PTPN1: variants seen among roughly 807,000 people sequenced by gnomAD.
PTPN1 encodes protein tyrosine phosphatase non-receptor type 1, also known as tyrosine-protein phosphatase non-receptor type 1.
PTPN1 carries 12 observed loss-of-function variants against 59.9 expected under a neutral mutation model. The ratio of observed to expected loss-of-function variants is 0.20; its 90% CI spans 0.13 to 0.32. The LOEUF (loss-of-function observed/expected upper bound fraction) is 0.32. Among genes scored for constraint, PTPN1 ranks in the 10% least tolerant of loss-of-function variants. The probability of loss-of-function intolerance (pLI) is 1.00; values close to 1 mark genes in which losing one functional copy is unlikely to be tolerated. For synonymous variants in PTPN1, 178 were observed against 203.6 expected (o/e 0.87, Z 1.07); for missense variants, 356 against 549.2 (o/e 0.65, Z 3.52).
chr20:50,520,876 A>G (rs1295188580), intron 1 of PTPN1, among the ~76,000 whole-genome samples: 1 of 152,214 alleles, frequency 6.6e-6, no homozygotes, highest in Non-Finnish European at 1.5e-5. Context: ...AAATGTAGTC[A>G]TTAGACTAGA....
At chr20:50,520,341 A>G (rs547910476) in intron 1 of PTPN1, among the ~76,000 whole-genome samples, 1 of 149,626 alleles carries the variant, frequency 6.7e-6, no homozygotes, top group African/African-American at 2.5e-5. Context: ...ATTGCACTAC[A>G]GCCTGGGGGA....
chr20:50,578,267 T>C lies in PTPN1; in HGVS notation c.493-153T>C, dbSNP rs144635885. Among the ~76,000 whole-genome samples, 1,318 of 152,278 alleles carry C rather than the reference T, an allele frequency of 8.7e-3. 15 individuals are homozygous for C. Among genetic ancestry groups the C allele is most frequent in the Non-Finnish European group, 0.013 (914 of 68,022 alleles). On this transcript the variant is annotated intron_variant, in intron 5 of 9. Coordinates refer to ENST00000371621, the MANE Select transcript of PTPN1 (RefSeq NM_002827.4). ...GGGCCTGGCCCCAGGGTGTGGTATTTGTTGACTGGGTGTGTGGACCCTGGG... is the reference window on the plus strand; with the variant it reads ...GGGCCTGGCCCCAGGGTGTGGTATTCGTTGACTGGGTGTGTGGACCCTGGG...
At chr20:50,578,277 G>C in intron 5 of PTPN1, 143 bp from the exon 6 acceptor site, 1 of 771,632 alleles carries the variant, frequency 1.3e-6, no homozygotes, top group Non-Finnish European at 2.2e-6. Context: ...TGTTGACTGG[G>C]TGTGTGGACC....
At chr20:50,513,550 G>A (rs1238429202) in intron 1 of PTPN1, among the ~76,000 whole-genome samples, 1 of 152,142 alleles carries the variant, frequency 6.6e-6, no homozygotes, top group African/African-American at 2.4e-5. Flanking sequence ...TGAATGATTT[G>A]ATTGTTTCAG....
intron 1 of PTPN1, among the ~76,000 whole-genome samples, chr20:50,537,864 G>A (rs2082631001): frequency 6.6e-6 from 1 of 152,316 alleles, no homozygotes; most frequent in Non-Finnish European, 1.5e-5. Context: ...CATCAGCAAT[G>A]TCTGAAAAAG....
intron 1 of PTPN1, among the ~76,000 whole-genome samples, chr20:50,541,598 C>T (rs567974947): frequency 3.3e-5 from 5 of 152,296 alleles, no homozygotes; most frequent in South Asian, 2.1e-4. Flanking sequence ...CGCAGGTCAT[C>T]GTAGTATGGC....
chr20:50,548,064 GTTT>G (rs932608114), intron 1 of PTPN1, among the ~76,000 whole-genome samples: 1 of 151,992 alleles, frequency 6.6e-6, no homozygotes, highest in African/African-American at 2.4e-5. Flanking sequence ...CAGCTTGACC[GTTT>G]GCCTCCGTGT....
At chr20:50,536,134 C>T (rs1410154662) in intron 1 of PTPN1, among the ~76,000 whole-genome samples, 1 of 152,162 alleles carries the variant, frequency 6.6e-6, no homozygotes, top group Admixed American at 6.5e-5. Context: ...CTCCATAAAT[C>T]CTTCAGAAAT....
intron 1 of PTPN1, among the ~76,000 whole-genome samples, chr20:50,546,584 T>TG: frequency 6.6e-6 from 1 of 152,246 alleles, no homozygotes; most frequent in Non-Finnish European, 1.5e-5. Context: ...TCCTTGGTCC[T>TG]GGTAGCAGAA....
intron 1 of PTPN1, among the ~76,000 whole-genome samples, chr20:50,531,541 T>G (rs1405473284): frequency 6.6e-6 from 1 of 152,168 alleles, no homozygotes; most frequent in East Asian, 1.9e-4. Flanking sequence ...CATGCCCAGC[T>G]AATTTTTGTA....
rs1393020598 is a variant in PTPN1 at position 50,568,490 on chromosome 20, C to T, written c.354+12C>T. On this transcript the variant is annotated intron_variant, in intron 4 of 9. Coordinates refer to ENST00000371621, the MANE Select transcript of PTPN1 (RefSeq NM_002827.4). This position sits in a 1 kb window ranked among gnomAD's most constrained non-coding sequence, Gnocchi z 5.6. ...TGGAGAAAGGTTCGGTAAGTCTCGG[C>T]TTCATTTGCTGTGTATGTGATCATG... is the stretch of plus-strand genomic sequence containing the variant. 4.4e-6 allele frequency: 7 copies of T among 1,603,430 alleles called. No individual in the cohort carries two copies. Among genetic ancestry groups the T allele is most frequent in the Non-Finnish European group, 6.0e-6 (7 of 1,170,332 alleles).
rs556978590 is a variant in PTPN1, at chr20:50,534,731, T to C, written c.63+24141T>C. 1.5e-4 allele frequency among the ~76,000 whole-genome samples: 21 copies of C among 138,118 alleles called. No individual in the cohort carries two copies. In the East Asian group the frequency reaches 3.9e-3, roughly 26 times the overall value. The allele number at this position is 138,118 out of a possible 152,430, so 90.6% of individuals were successfully genotyped here. On this transcript the variant is annotated intron_variant, in intron 1 of 9. Coordinates refer to ENST00000371621, the MANE Select transcript of PTPN1 (RefSeq NM_002827.4). ...AAGTCCTCCAACTTAATCCTTATCCTTTTTTTTTTAAAGAGATGCAGTCTT... is the reference window on the plus strand; with the variant it reads ...AAGTCCTCCAACTTAATCCTTATCCCTTTTTTTTTAAAGAGATGCAGTCTT...
At chr20:50,555,736 A>AT (rs2122769827) in intron 1 of PTPN1, among the ~76,000 whole-genome samples, 1 of 131,074 alleles carries the variant, frequency 7.6e-6, no homozygotes, top group South Asian at 2.3e-4. Flanking sequence ...TTTTTTTTTT[A>AT]TTTCTCTGTC....
chr20:50,557,171 A>G (rs1158797584), intron 1 of PTPN1, among the ~76,000 whole-genome samples: 2 of 152,196 alleles, frequency 1.3e-5, no homozygotes, highest in Non-Finnish European at 2.9e-5. Flanking sequence ...GATTGATTAC[A>G]GCTTGTATAT....
At chr20:50,550,126 T>A (rs1473977112) in intron 1 of PTPN1, among the ~76,000 whole-genome samples, 1 of 152,222 alleles carries the variant, frequency 6.6e-6, no homozygotes, top group African/African-American at 2.4e-5. Flanking sequence ...CCAGGAAATG[T>A]ACACTGTGTG....
intron 4 of PTPN1, chr20:50,572,515 G>A (rs1020163139): frequency 2.6e-5 from 4 of 152,172 alleles, no homozygotes; most frequent in Non-Finnish European, 4.4e-5. Flanking sequence ...GGGTTATTAA[G>A]CATTAGGTTT....
chr20:50,582,603 T>C lies in PTPN1; in HGVS notation c.1285-89T>C, dbSNP rs950700636. ...CCTTTGCTCCCTCGGAGGTTGAAGT[T>C]GCCGGGGGGTGTGGCCGGGGTCATG... is the stretch of plus-strand genomic sequence containing the variant. On this transcript the variant is annotated intron_variant, in intron 9 of 9. Transcript: ENST00000371621. The surrounding 1 kb of genome is among the most constrained non-coding windows in gnomAD (Gnocchi z 4.2). The C allele has an allele frequency of 2.8e-6, 4 of 1,413,320 alleles. No homozygotes were observed. The African/African-American group carries it at 4.2e-5, about 15-fold the overall frequency. The allele number at this position is 1,413,320 out of a possible 1,614,324, so 87.5% of individuals were successfully genotyped here. A position where few individuals can be genotyped will look rare whatever the true frequency, so the allele number is the denominator to read the frequency against.
intron 1 of PTPN1, among the ~76,000 whole-genome samples, chr20:50,524,883 C>G (rs957867504): frequency 1.3e-5 from 2 of 150,462 alleles, no homozygotes; most frequent in Admixed American, 6.6e-5. Context: ...CCTATGTGCT[C>G]TTATTAGCAA....
At chr20:50,573,501 A>G (rs2082821159) in intron 4 of PTPN1, 1 of 152,242 alleles carries the variant, frequency 6.6e-6, no homozygotes, top group Admixed American at 6.5e-5. Flanking sequence ...TCTGACAGAC[A>G]GCTGGCCCTG....
Sources: allele counts gnomAD v4.1 joint callset (sites outside exome capture counted in the v4.1 genomes callset), GRCh38; gene constraint gnomAD v4.1.1; non-coding constraint Gnocchi (gnomAD v3.1); transcripts MANE v1.5; gene names NCBI Gene and HGNC (gene_info 2026-07-23, HGNC 2026-07-21).